SOS2: variants seen among roughly 807,000 people sequenced by gnomAD.
SOS2 encodes son of sevenless homolog 2.
In SOS2, 65 loss-of-function variants were observed where a neutral mutation model predicts 148.2. The ratio of observed to expected loss-of-function variants is 0.44; its 90% CI spans 0.36 to 0.54. SOS2 has a LOEUF of 0.54. SOS2 is among the 20% of genes least tolerant of loss of function. The pLI, the probability that SOS2 is intolerant of heterozygous loss-of-function variation, is 0.00. For missense variants in SOS2, 1,341 were observed against 1,590.2 expected (o/e 0.84, Z 2.67); for synonymous variants, 539 against 537.1 (o/e 1.00, Z -0.05).
Position 50,187,015 on chromosome 14 carries a change from A to G in SOS2, c.714+1482T>C, listed in dbSNP as rs548825511. Among the ~76,000 whole-genome samples, 172 of 152,306 alleles carry G rather than the reference A, an allele frequency of 1.1e-3. 1 individual carries two copies. The highest frequency in any genetic ancestry group is 3.9e-3 in the African/African-American group (164 of 41,574). On this transcript the variant is annotated intron_variant, in intron 5 of 22. Transcript: ENST00000216373. Reference sequence around the variant, plus strand: ...GTACAAGATAAATAAGACAAAGGCTAAGTATCTTTTTTTTGAGCCGAGGTC... The same window carrying G: ...GTACAAGATAAATAAGACAAAGGCTGAGTATCTTTTTTTTGAGCCGAGGTC...
At chr14:50,188,331 A>G (rs1328191311) in intron 5 of SOS2, among the ~76,000 whole-genome samples, 166 bp downstream of exon 5, 1 of 152,030 alleles carries the variant, frequency 6.6e-6, no homozygotes, top group Non-Finnish European at 1.5e-5. Flanking sequence ...TGAACCCGGG[A>G]GGTGGAGGCT....
At chr14:50,165,722 G>C (rs1885143567) in intron 8 of SOS2, among the ~76,000 whole-genome samples, 1 of 152,134 alleles carries the variant, frequency 6.6e-6, no homozygotes, top group Non-Finnish European at 1.5e-5. Context: ...GAAGTAACTG[G>C]AATAAATGAC....
At chr14:50,164,492 G>A (rs145948981) in intron 8 of SOS2, among the ~76,000 whole-genome samples, 2,044 of 151,872 alleles carry the variant, frequency 0.013, 42 homozygotes, top group African/African-American at 0.045. Flanking sequence ...TTAGCTGGAC[G>A]TGGTGGTGCA....
chr14:50,146,818 T>C (rs187491036), intron 14 of SOS2, among the ~76,000 whole-genome samples: 1 of 152,276 alleles, frequency 6.6e-6, no homozygotes, highest in Non-Finnish European at 1.5e-5. Context: ...AGAACTGTAT[T>C]CATTGACTTG....
At chr14:50,172,741 G>C (rs1885408442) in intron 8 of SOS2, among the ~76,000 whole-genome samples, 1 of 152,018 alleles carries the variant, frequency 6.6e-6, no homozygotes, top group South Asian at 2.1e-4. Flanking sequence ...CTTTGGACAA[G>C]CATGAGTACT....
In SOS2 at chr14:50,138,794, A is replaced by AG; in HGVS notation, c.2786-11_2786-10insC. ...TTTGTTAAATATATTCCTAGTAAAA[A>AG]AAAAAAAAGAATTTAAAGAAAAGTT... On this transcript the variant is annotated splice_polypyrimidine_tract_variant and intron_variant, in intron 17 of 22. Transcript: ENST00000216373. 1.3e-6 allele frequency: 1 copy of AG among 792,480 alleles called. No individual in the cohort carries two copies. The allele number at this position is 792,480 out of a possible 1,614,324, so 49.1% of individuals were successfully genotyped here.
chr14:50,192,099 C>T (rs1886157271), intron 4 of SOS2, among the ~76,000 whole-genome samples: 3 of 135,826 alleles, frequency 2.2e-5, no homozygotes, highest in Non-Finnish European at 3.0e-5. Context: ...CTGCAGTGAG[C>T]CGTGTTCACA....
chr14:50,151,203 C>G (rs1452395424), intron 13 of SOS2, among the ~76,000 whole-genome samples: 1 of 152,138 alleles, frequency 6.6e-6, no homozygotes, highest in African/African-American at 2.4e-5. Context: ...AACAAGATTG[C>G]ACATATTGCA....
intron 18 of SOS2, among the ~76,000 whole-genome samples, chr14:50,137,620 A>AT (rs1441695525): frequency 2.0e-5 from 3 of 152,138 alleles, no homozygotes; most frequent in Non-Finnish European, 4.4e-5. Flanking sequence ...TAATTATGAT[A>AT]TTTCTTACAG....
intron 8 of SOS2, among the ~76,000 whole-genome samples, chr14:50,163,148 A>G (rs1885066413): frequency 6.6e-6 from 1 of 150,940 alleles, no homozygotes; most frequent in African/African-American, 2.4e-5. Flanking sequence ...AATCTTTTGA[A>G]AGAAGAGTTC....
intron 4 of SOS2, among the ~76,000 whole-genome samples, 196 bp from the exon 5 acceptor site, chr14:50,188,896 C>T (rs376058771): frequency 2.0e-5 from 3 of 151,944 alleles, no homozygotes; most frequent in Non-Finnish European, 2.9e-5. Flanking sequence ...AACCCTGTCT[C>T]GACCAAAAAT....
chr14:50,224,883 C>CAAAAA (rs373602186), intron 1 of SOS2, among the ~76,000 whole-genome samples: 1,915 of 96,648 alleles, frequency 0.02, 113 homozygotes, highest in Non-Finnish European at 0.028. Context: ...AAAACCCTGT[C>CAAAAA]AAAAAAAAAA....
At chr14:50,139,615 TAATAA>T (rs1397191476) in intron 17 of SOS2, among the ~76,000 whole-genome samples, 6 of 152,340 alleles carry the variant, frequency 3.9e-5, no homozygotes, top group African/African-American at 1.4e-4. Context: ...TAGAAGCTTT[TAATAA>T]ATTAAAGAGA....
At chr14:50,191,324 C>G (rs932540071) in intron 4 of SOS2, among the ~76,000 whole-genome samples, 1 of 151,942 alleles carries the variant, frequency 6.6e-6, no homozygotes, top group Non-Finnish European at 1.5e-5. Flanking sequence ...AAAATAATAA[C>G]CAGGTATGCT....
intron 7 of SOS2, among the ~76,000 whole-genome samples, chr14:50,178,699 TATATATATATATAC>T (rs1566839684): frequency 0.014 from 325 of 23,498 alleles, 4 homozygotes; most frequent in African/African-American, 0.039. Context: ...TATATATATA[TATATATATATATAC>T]ACACATATAC....
At chr14:50,215,790 C>A (rs942233265) in intron 1 of SOS2, among the ~76,000 whole-genome samples, 1 of 152,162 alleles carries the variant, frequency 6.6e-6, no homozygotes, top group East Asian at 1.9e-4. Context: ...CACAAAAGCA[C>A]TTTAACTTTT....
At chr14:50,219,007 G>T (rs1377788113) in intron 1 of SOS2, among the ~76,000 whole-genome samples, 1 of 151,916 alleles carries the variant, frequency 6.6e-6, no homozygotes, top group Non-Finnish European at 1.5e-5. Flanking sequence ...CAGCTTCTCA[G>T]GAGGCTGAGG....
chr14:50,184,372 T>C (rs1000529031), intron 5 of SOS2, among the ~76,000 whole-genome samples: 1 of 152,190 alleles, frequency 6.6e-6, no homozygotes, highest in Non-Finnish European at 1.5e-5. Flanking sequence ...ATATTTTTGG[T>C]CTTTGTCCCT....
At chr14:50,203,827 G>A (rs1171025234) in intron 2 of SOS2, among the ~76,000 whole-genome samples, 10 of 145,776 alleles carry the variant, frequency 6.9e-5, no homozygotes, top group Admixed American at 2.8e-4. Context: ...ACGGTCTCCC[G>A]CCTCAGCCAA....
Sources: allele counts gnomAD v4.1 joint callset (sites outside exome capture counted in the v4.1 genomes callset), GRCh38; gene constraint gnomAD v4.1.1; transcripts MANE v1.5; gene names NCBI Gene and HGNC (gene_info 2026-07-23, HGNC 2026-07-21).